The following IRAK1BP1 variants were observed in gnomAD, a reference collection of about 807,000 sequenced individuals.
The protein encoded by IRAK1BP1 is interleukin-1 receptor-associated kinase 1-binding protein 1.
Under a neutral mutation model 28.0 loss-of-function variants are expected in IRAK1BP1, and 24 were observed. The observed-to-expected ratio is 0.86, with a 90% CI of 0.62 to 1.20. The LOEUF (loss-of-function observed/expected upper bound fraction) is 1.20, where lower values mean the gene tolerates loss of function less well. IRAK1BP1 is among the 50% of genes most tolerant of loss of function. The pLI, the probability that IRAK1BP1 is intolerant of heterozygous loss-of-function variation, is 0.00. For missense variants in IRAK1BP1, 336 were observed against 316.7 expected (o/e 1.06, Z -0.46); for synonymous variants, 131 against 116.3 (o/e 1.13, Z -0.81).
intron 1 of IRAK1BP1, among the ~76,000 whole-genome samples, chr6:78,869,521 A>T (rs1013459390): frequency 6.6e-6 from 1 of 152,206 alleles, no homozygotes; most frequent in Non-Finnish European, 1.5e-5. Flanking sequence ...GTCTCAAATA[A>T]GTAGTAAGTA....
rs1416441185 is a variant in IRAK1BP1 at position 78,898,084 on chromosome 6, C to T, written c.533C>T (p.Ala178Val). ...CTAAGACGGCAAGCCTGTCTTGTTG[C>T]TGTTGAGAATGCGTGGCGCAAAGCT... ...ENLRRQACLV[A>V]VENAWRKAQE... Residue 178 changes from alanine (A) to valine (V), a missense_variant, in exon 4 of 4, where the codon GCT (alanine) becomes GTT (valine). Physicochemically the swap from Ala to Val is moderately conservative, Grantham distance 64. Transcript: ENST00000369940. 6.2e-7 allele frequency: 1 copy of T among 1,611,084 alleles called. No homozygotes were observed. The highest frequency in any genetic ancestry group is 8.5e-7 in the Non-Finnish European group (1 of 1,178,628).
chr6:78,893,326 ATATATATATATATATATATATATC>A (rs1562085839), intron 2 of IRAK1BP1, among the ~76,000 whole-genome samples: 45 of 88,100 alleles, frequency 5.1e-4, no homozygotes, highest in African/African-American at 1.6e-3. Context: ...ATATATATAT[ATATATATATATATATATATATATC>A]AACGAAGAGT....
At chr6:78,892,110 C>T (rs999943191) in intron 2 of IRAK1BP1, among the ~76,000 whole-genome samples, 16 of 152,146 alleles carry the variant, frequency 1.1e-4, no homozygotes, top group Admixed American at 3.3e-4. Flanking sequence ...GTAAATACTT[C>T]TTCCTTAAAA....
chr6:78,973,790 T>C, the IRAK1BP1 span, among the ~76,000 whole-genome samples: 2 of 151,890 alleles, frequency 1.3e-5, no homozygotes, highest in African/African-American at 4.8e-5. Context: ...GGCCATTACA[T>C]AATGGTAAAG....
At chr6:78,888,730 A>G (rs995762886) in intron 2 of IRAK1BP1, among the ~76,000 whole-genome samples, 4 of 151,030 alleles carry the variant, frequency 2.6e-5, no homozygotes, top group Admixed American at 1.3e-4. Context: ...GGTCTGGCCA[A>G]CTCCTGACCT....
At chr6:78,933,727 G>T (rs945501703) in intron 4 of IRAK1BP1, among the ~76,000 whole-genome samples, 2 of 148,162 alleles carry the variant, frequency 1.3e-5, no homozygotes, top group African/African-American at 5.1e-5. Context: ...GAATTGAAGA[G>T]CTTTAATGCC....
chr6:78,935,307 T>C (rs1159404687), intron 4 of IRAK1BP1, among the ~76,000 whole-genome samples: 1 of 152,196 alleles, frequency 6.6e-6, no homozygotes, highest in Non-Finnish European at 1.5e-5. Context: ...AATCACTCCA[T>C]GTGCTTAATT....
At chr6:78,896,824 CAAA>C (rs36004777) in intron 2 of IRAK1BP1, among the ~76,000 whole-genome samples, 3 of 132,424 alleles carry the variant, frequency 2.3e-5, no homozygotes, top group Non-Finnish European at 3.2e-5. Context: ...GACCCTGGCT[CAAA>C]AAAAAAAAAA....
chr6:78,950,968 C>G (rs1030928225), downstream of IRAK1BP1, among the ~76,000 whole-genome samples: 2 of 152,050 alleles, frequency 1.3e-5, no homozygotes, highest in Non-Finnish European at 2.9e-5. Context: ...CTGCTGTACT[C>G]TTTAGTACAT....
chr6:78,883,712 A>G (rs529173219), intron 1 of IRAK1BP1, among the ~76,000 whole-genome samples: 1 of 152,328 alleles, frequency 6.6e-6, no homozygotes, highest in East Asian at 1.9e-4. Flanking sequence ...TCTTGCAGTC[A>G]GTCTTGGTCC....
In IRAK1BP1 at chr6:78,867,576, T is replaced by C. The variant is rs760097788; in HGVS notation, c.-1T>C. On this transcript the variant is annotated 5_prime_UTR_variant, in exon 1 of 4. Coordinates refer to ENST00000369940, the MANE Select transcript of IRAK1BP1 (RefSeq NM_001010844.4). The stretch of plus-strand genomic sequence containing the variant: ...ACTATGGAAACCCAGCTGCCATCGC[T>C]ATGTCTCTGCAAAAGACCCCTCCGA... The C allele has an allele frequency of 6.2e-6, 10 of 1,612,864 alleles. No individual in the cohort carries two copies. Among genetic ancestry groups the C allele is most frequent in the African/African-American group, 2.7e-5 (2 of 74,830 alleles).
intron 4 of IRAK1BP1, chr6:78,940,196 G>C (rs1773417010): frequency 2.0e-5 from 3 of 151,890 alleles, no homozygotes; most frequent in Non-Finnish European, 4.4e-5. Flanking sequence ...TTATCTTTTA[G>C]AGGAAACATT....
At chr6:78,935,691 T>G in intron 4 of IRAK1BP1, 2 of 985,086 alleles carry the variant, frequency 2.0e-6, no homozygotes, top group Non-Finnish European at 2.4e-6. Context: ...AACTGACAGT[T>G]TTCACACTTT....
At chr6:78,879,149 A>G (rs1055207435) in intron 1 of IRAK1BP1, among the ~76,000 whole-genome samples, 1 of 152,016 alleles carries the variant, frequency 6.6e-6, no homozygotes, top group Non-Finnish European at 1.5e-5. Context: ...GAACTGAACA[A>G]TGAGAACACT....
chr6:78,890,868 A>T (rs760460893), intron 2 of IRAK1BP1, among the ~76,000 whole-genome samples: 87 of 152,220 alleles, frequency 5.7e-4, no homozygotes, highest in Non-Finnish European at 1.2e-3. Flanking sequence ...TTTGGCCAGG[A>T]TCTGATGGAT....
chr6:78,878,590 C>T (rs889057110), intron 1 of IRAK1BP1, among the ~76,000 whole-genome samples: 1 of 152,202 alleles, frequency 6.6e-6, no homozygotes, highest in Admixed American at 6.5e-5. Context: ...AGTGCCTTTT[C>T]TCCTCCAAAG....
downstream of IRAK1BP1, among the ~76,000 whole-genome samples, chr6:78,950,930 C>T (rs75150311): frequency 7.9e-5 from 12 of 152,048 alleles, no homozygotes; most frequent in East Asian, 1.7e-3. Context: ...GAGTGAGCTT[C>T]GATTATTGAT....
chr6:78,869,506 ACT>A (rs1324658903), intron 1 of IRAK1BP1, among the ~76,000 whole-genome samples: 1 of 152,052 alleles, frequency 6.6e-6, no homozygotes, highest in Non-Finnish European at 1.5e-5. Flanking sequence ...GGTGACAGAG[ACT>A]CTGTCTCAAA....
intron 1 of IRAK1BP1, among the ~76,000 whole-genome samples, chr6:78,878,088 G>A (rs149706548): frequency 1.3e-5 from 2 of 152,270 alleles, no homozygotes; most frequent in East Asian, 3.9e-4. Context: ...TGAACAAAAG[G>A]CAGCAGAAAC....
Sources: gnomAD v4.1 joint callset for allele counts (sites outside exome capture counted in the v4.1 genomes callset) on GRCh38, gnomAD v4.1.1 for gene constraint, MANE v1.5 for transcripts, NCBI Gene and HGNC (gene_info 2026-07-23, HGNC 2026-07-21) for gene names.